The following CDH13 variants were observed in gnomAD, a reference collection of about 807,000 sequenced individuals.
The protein encoded by CDH13 is cadherin 13, also known as cadherin-13.
A neutral mutation model predicts 63.8 loss-of-function variants in CDH13; 24 were observed. That is an observed-to-expected ratio of 0.38 (90% CI 0.27 to 0.53). CDH13 has a LOEUF of 0.53. Ranked by LOEUF, CDH13 falls within the 20% of genes least tolerant of loss-of-function variation. The pLI, the probability that CDH13 is intolerant of heterozygous loss-of-function variation, is 0.85. For synonymous variants in CDH13, 503 were observed against 355.3 expected, an observed-to-expected ratio of 1.42 and a Z score of -4.67; for missense variants, 1,049 against 903.1, an observed-to-expected ratio of 1.16 and a Z score of -2.07.
intron 1 of CDH13, among the ~76,000 whole-genome samples, chr16:82,643,583 T>C (rs1281496541): frequency 6.6e-6 from 1 of 152,234 alleles, no homozygotes; most frequent in Non-Finnish European, 1.5e-5. Context: ...CCTTGGCCTA[T>C]TGGAAATAAA....
chr16:82,792,957 G>C (rs148881813), intron 1 of CDH13, among the ~76,000 whole-genome samples: 245 of 152,352 alleles, frequency 1.6e-3, no homozygotes, highest in African/African-American at 5.6e-3. Context: ...GTTATGCGAG[G>C]AAATAATTCT....
intron 10 of CDH13, among the ~76,000 whole-genome samples, chr16:83,741,120 T>C (rs1027653863): frequency 4.3e-4 from 66 of 152,334 alleles, no homozygotes; most frequent in African/African-American, 1.5e-3. Context: ...CTAACTAATC[T>C]AGGATTCTGG....
chr16:82,793,179 G>C (rs1005627703), intron 1 of CDH13, among the ~76,000 whole-genome samples: 1 of 152,224 alleles, frequency 6.6e-6, no homozygotes, highest in Non-Finnish European at 1.5e-5. Flanking sequence ...GCATCACCCA[G>C]TGAAGCCATT....
chr16:82,940,651 CG>C (rs1319949524), intron 2 of CDH13, among the ~76,000 whole-genome samples: 5 of 152,152 alleles, frequency 3.3e-5, no homozygotes, highest in African/African-American at 9.7e-5. Flanking sequence ...AACTAATCAG[CG>C]TCTACGTTTG....
chr16:82,794,685 C>T (rs1436687612), intron 1 of CDH13, among the ~76,000 whole-genome samples: 2 of 152,130 alleles, frequency 1.3e-5, no homozygotes, highest in African/African-American at 2.4e-5. Flanking sequence ...CATGCCTTAG[C>T]CAAACACCCT....
chr16:83,368,524 T>C (rs933575515), intron 6 of CDH13, among the ~76,000 whole-genome samples: 1 of 152,116 alleles, frequency 6.6e-6, no homozygotes, highest in Non-Finnish European at 1.5e-5. Context: ...CTTTTTTTTC[T>C]TTTTTTATTT....
At chr16:82,824,906 A>C (rs907551394) in intron 1 of CDH13, 3 of 152,228 alleles carry the variant, frequency 2.0e-5, no homozygotes, top group African/African-American at 7.2e-5. Flanking sequence ...CAGTTATGAT[A>C]ATGCATGCTG....
intron 5 of CDH13, among the ~76,000 whole-genome samples, chr16:83,311,399 T>C (rs9925033): frequency 0.37 from 55,934 of 152,160 alleles, 10,529 homozygotes; most frequent in East Asian, 0.47. Context: ...ACATATGTAA[T>C]GTAGAGAAAA....
intron 4 of CDH13, among the ~76,000 whole-genome samples, chr16:83,195,499 A>G (rs2038852066): frequency 6.6e-6 from 1 of 152,066 alleles, no homozygotes; most frequent in African/African-American, 2.4e-5. Flanking sequence ...CAGGACCAAG[A>G]GAGAGATGGG....
rs541479335 is a variant in CDH13 at position 82,745,487 on chromosome 16, C to G, written c.46-112875C>G. On this transcript the variant is annotated intron_variant, in intron 1 of 13. Coordinates refer to ENST00000567109, the MANE Select transcript of CDH13 (RefSeq NM_001257.5). The stretch of plus-strand genomic sequence containing the variant: ...GGCATGGTGGCGGGCGCCTGTAACC[C>G]CAGCTACTCAGGAGGCTGAGGCAGG... Among the ~76,000 whole-genome samples the G allele has an allele frequency of 2.0e-5, 3 of 152,162 alleles. No homozygotes were observed. In the South Asian group the frequency reaches 6.2e-4, roughly 32 times the overall value.
intron 7 of CDH13, among the ~76,000 whole-genome samples, chr16:83,523,567 C>G (rs1489438104): frequency 6.6e-6 from 1 of 152,322 alleles, no homozygotes; most frequent in African/African-American, 2.4e-5. Flanking sequence ...CGTGTGTGTA[C>G]TCACCAAGTG....
intron 6 of CDH13, among the ~76,000 whole-genome samples, chr16:83,407,804 A>C (rs1328464869): frequency 1.3e-5 from 2 of 152,150 alleles, no homozygotes; most frequent in Non-Finnish European, 2.9e-5. Context: ...TGCGCATTAG[A>C]AGTCTTAAAA....
chr16:82,978,265 T>C (rs10747209), intron 2 of CDH13, among the ~76,000 whole-genome samples: 132,158 of 152,294 alleles, frequency 0.87, 57,548 homozygotes, highest in East Asian at 0.97. Context: ...AGAAAATTTG[T>C]AGCCTGACAA....
intron 2 of CDH13, among the ~76,000 whole-genome samples, chr16:82,869,109 C>G (rs1373134069): frequency 6.6e-6 from 1 of 152,096 alleles, no homozygotes; most frequent in Non-Finnish European, 1.5e-5. Flanking sequence ...TGCAGTGGCG[C>G]AATCTCAACT....
intron 1 of CDH13, among the ~76,000 whole-genome samples, chr16:82,830,682 G>C (rs1890267213): frequency 6.6e-6 from 1 of 152,194 alleles, no homozygotes; most frequent in Non-Finnish European, 1.5e-5. Flanking sequence ...CATGGACTAT[G>C]TCTGTTTCTT....
Position 83,737,247 on chromosome 16 carries a change from G to A in CDH13, c.1539-10861G>A, listed in dbSNP as rs1046215662. Among the ~76,000 whole-genome samples, 5 of 152,136 alleles carry A rather than the reference G, an allele frequency of 3.3e-5. No homozygotes were observed. The East Asian group carries it at 5.8e-4, about 18-fold the overall frequency. Reference sequence around the variant, plus strand: ...TCTCAGACTTAAGTTATTAGTGAGCGCTGTTAGACTCAAGTTCCTTGATAT... The same window carrying A: ...TCTCAGACTTAAGTTATTAGTGAGCACTGTTAGACTCAAGTTCCTTGATAT... On this transcript the variant is annotated intron_variant, in intron 10 of 13. Coordinates refer to ENST00000567109, the MANE Select transcript of CDH13 (RefSeq NM_001257.5).
chr16:83,479,165 C>G (rs557618265), intron 6 of CDH13, among the ~76,000 whole-genome samples: 1 of 152,314 alleles, frequency 6.6e-6, no homozygotes, highest in East Asian at 1.9e-4. Flanking sequence ...AGTATCTAGG[C>G]TTGTCTAAGG....
At chr16:83,431,819 C>G (rs1157926109) in intron 6 of CDH13, among the ~76,000 whole-genome samples, 1 of 152,174 alleles carries the variant, frequency 6.6e-6, no homozygotes, top group African/African-American at 2.4e-5. Context: ...CGCCTCCCGC[C>G]AGGCCCCACC....
At chr16:82,746,007 T>G (rs2034146236) in intron 1 of CDH13, among the ~76,000 whole-genome samples, 1 of 152,092 alleles carries the variant, frequency 6.6e-6, no homozygotes, top group South Asian at 2.1e-4. Context: ...ATTCACAAGT[T>G]TAATTACACT....
Sources: gnomAD v4.1 joint callset for allele counts (sites outside exome capture counted in the v4.1 genomes callset) on GRCh38, gnomAD v4.1.1 for gene constraint, MANE v1.5 for transcripts, NCBI Gene and HGNC (gene_info 2026-07-23, HGNC 2026-07-21) for gene names.